PCDH15: variants seen among roughly 807,000 people sequenced by gnomAD.
PCDH15 encodes the protein protocadherin-15.
Under a neutral mutation model 178.5 loss-of-function variants are expected in PCDH15, and 129 were observed. That is an observed-to-expected ratio of 0.72 (90% CI 0.63 to 0.84). The LOEUF (loss-of-function observed/expected upper bound fraction) is 0.84. PCDH15 is among the 40% of genes least tolerant of loss of function. The pLI is 0.00. For missense variants in PCDH15, 2,230 were observed against 2,099.9 expected, an observed-to-expected ratio of 1.06 and a Z score of -1.21; for synonymous variants, 800 against 732.0, an observed-to-expected ratio of 1.09 and a Z score of -1.50.
intron 1 of PCDH15, among the ~76,000 whole-genome samples, chr10:54,727,400 T>G (rs1283822045): frequency 1.3e-5 from 2 of 151,390 alleles, no homozygotes; most frequent in Admixed American, 1.3e-4. Flanking sequence ...TATTTGAAAC[T>G]AATGAAACAA....
intron 2 of PCDH15, among the ~76,000 whole-genome samples, chr10:54,655,188 G>A (rs1271440015): frequency 1.4e-5 from 2 of 147,912 alleles, no homozygotes; most frequent in Non-Finnish European, 3.0e-5. Flanking sequence ...TCCAGCCTGG[G>A]CACAGAGCGA....
chr10:55,618,831 C>G (rs1011320343), intron 2 of PCDH15, among the ~76,000 whole-genome samples: 2 of 151,958 alleles, frequency 1.3e-5, no homozygotes, highest in Admixed American at 1.3e-4. Context: ...CCATTAAGAT[C>G]CATGACATAA....
At chr10:53,812,377 T>G in intron 35 of PCDH15, among the ~76,000 whole-genome samples, 1 of 132,258 alleles carries the variant, frequency 7.6e-6, no homozygotes, top group African/African-American at 2.8e-5. Context: ...CCGTCTAAAT[T>G]TTTGTATTTT....
At chr10:55,472,511 C>CTAATAATA (rs1331108736) in intron 2 of PCDH15, among the ~76,000 whole-genome samples, 12 of 128,262 alleles carry the variant, frequency 9.4e-5, no homozygotes, top group Admixed American at 1.9e-4. Flanking sequence ...AATCCTGACT[C>CTAATAATA]TAATAATAGG....
At chr10:54,555,434 A>G (rs2087091806) in intron 2 of PCDH15, among the ~76,000 whole-genome samples, 1 of 152,000 alleles carries the variant, frequency 6.6e-6, no homozygotes, top group Admixed American at 6.6e-5. Context: ...TGAGATCTCT[A>G]AAGAATCACC....
At chr10:54,352,176 A>G (rs1452978967) in intron 5 of PCDH15, among the ~76,000 whole-genome samples, 1 of 152,170 alleles carries the variant, frequency 6.6e-6, no homozygotes, top group East Asian at 1.9e-4. Context: ...CTAAAAAATG[A>G]TTTCTGAATA....
At chr10:53,849,436 A>T (rs2078198551) in intron 28 of PCDH15, among the ~76,000 whole-genome samples, 1 of 152,200 alleles carries the variant, frequency 6.6e-6, no homozygotes, top group African/African-American at 2.4e-5. Context: ...TTAAAATAAG[A>T]AACATATCTA....
At chr10:53,890,756 C>T (rs1210669752) in intron 26 of PCDH15, among the ~76,000 whole-genome samples, 1 of 151,954 alleles carries the variant, frequency 6.6e-6, no homozygotes, top group Non-Finnish European at 1.5e-5. Context: ...CATTTCATTG[C>T]CTGTTTTTGA....
intron 8 of PCDH15, among the ~76,000 whole-genome samples, chr10:54,244,961 G>A (rs540008421): frequency 6.6e-6 from 1 of 152,118 alleles, no homozygotes. Context: ...TAATGATATG[G>A]TTCCCATTGT....
At chr10:55,239,389 CCA>C in intron 1 of PCDH15, among the ~76,000 whole-genome samples, 1 of 152,176 alleles carries the variant, frequency 6.6e-6, no homozygotes, top group South Asian at 2.1e-4. Flanking sequence ...AGAAATAAAT[CCA>C]CACATTTAGC....
At chr10:55,097,293 G>C (rs1245064527) in intron 2 of PCDH15, among the ~76,000 whole-genome samples, 1 of 151,948 alleles carries the variant, frequency 6.6e-6, no homozygotes, top group African/African-American at 2.4e-5. Flanking sequence ...TTATAAGGTG[G>C]GTGTTTTCTA....
intron 2 of PCDH15, among the ~76,000 whole-genome samples, chr10:55,405,981 G>A (rs1416330148): frequency 1.3e-5 from 2 of 151,442 alleles, no homozygotes; most frequent in African/African-American, 4.9e-5. Context: ...CAGTGTCGAT[G>A]AGAAAATTGT....
chr10:54,846,348 C>CA (rs575653843), intron 3 of PCDH15, among the ~76,000 whole-genome samples: 16 of 152,270 alleles, frequency 1.1e-4, no homozygotes, highest in East Asian at 9.7e-4. Context: ...GTGGCCACTT[C>CA]AATGGCAGGT....
chr10:54,619,460 T>C (rs1240636084), intron 2 of PCDH15: 2 of 152,084 alleles, frequency 1.3e-5, no homozygotes, highest in African/African-American at 2.4e-5. Context: ...ATATAATTAT[T>C]ACATCTAGTG....
chr10:54,648,334 G>A (rs971931907), intron 2 of PCDH15, among the ~76,000 whole-genome samples: 1 of 152,006 alleles, frequency 6.6e-6, no homozygotes, highest in Non-Finnish European at 1.5e-5. Context: ...TTGAGAGGAG[G>A]ACACCAAAAA....
At chr10:54,917,522 G>C (rs17512007) in intron 2 of PCDH15, among the ~76,000 whole-genome samples, 1 of 151,964 alleles carries the variant, frequency 6.6e-6, no homozygotes, top group Non-Finnish European at 1.5e-5. Flanking sequence ...TTTATTGCCT[G>C]TGCTATGATT....
At chr10:54,075,033 A>G (rs554746600) in intron 17 of PCDH15, among the ~76,000 whole-genome samples, 5 of 152,264 alleles carry the variant, frequency 3.3e-5, no homozygotes, top group African/African-American at 1.2e-4. Flanking sequence ...AAAAGTGTCT[A>G]TTCAAGTACT....
intron 2 of PCDH15, among the ~76,000 whole-genome samples, chr10:55,571,954 C>T (rs1353631943): frequency 1.3e-5 from 2 of 151,984 alleles, no homozygotes; most frequent in African/African-American, 2.4e-5. Context: ...TTTTTATATG[C>T]CACGTGTCTT....
In PCDH15 at chr10:54,661,815, C is replaced by G. The variant is rs536425700; in HGVS notation, c.91+2357G>C. Among the ~76,000 whole-genome samples the G allele has an allele frequency of 2.0e-5, 3 of 151,970 alleles. No homozygotes were observed. In the East Asian group the frequency reaches 5.8e-4, roughly 29 times the overall value. On this transcript the variant is annotated intron_variant, in intron 2 of 37. Coordinates refer to ENST00000644397, the MANE Select transcript of PCDH15 (RefSeq NM_001384140.1). ...AATTAAACATTGGGGAAAGGTCACC[C>G]TATTCAATAAATGGTGCTAGGAAAA...
Sources: gnomAD v4.1 joint callset for allele counts (sites outside exome capture counted in the v4.1 genomes callset) on GRCh38, gnomAD v4.1.1 for gene constraint, MANE v1.5 for transcripts, NCBI Gene and HGNC (gene_info 2026-07-23, HGNC 2026-07-21) for gene names.